The following NUP37 variants were observed in gnomAD, a reference collection of about 807,000 sequenced individuals.
NUP37 encodes the protein nucleoporin Nup37.
In NUP37, 33 loss-of-function variants were observed where a neutral mutation model predicts 45.4. That is an observed-to-expected ratio of 0.73 (90% confidence interval 0.55 to 0.97). The LOEUF is 0.97. Among genes scored for constraint, NUP37 ranks in the 50% least tolerant of loss-of-function variants. NUP37 has a pLI of 0.00. For synonymous variants in NUP37, 127 were observed against 130.7 expected, an observed-to-expected ratio of 0.97 and a Z score of 0.19; for missense variants, 365 against 389.7, an observed-to-expected ratio of 0.94 and a Z score of 0.53.
chr12:102,085,719 T>C (rs768912996), intron 6 of NUP37, 47 bp downstream of exon 6: 2 of 908,316 alleles, frequency 2.2e-6, no homozygotes, highest in East Asian at 2.6e-5. Flanking sequence ...CTTATATCTC[T>C]ATAAGTCTTT....
intron 5 of NUP37, among the ~76,000 whole-genome samples, chr12:102,087,183 A>G (rs1211221133): frequency 6.6e-6 from 1 of 151,890 alleles, no homozygotes; most frequent in Non-Finnish European, 1.5e-5. Context: ...TTCATATCTC[A>G]TTAGGGAACC....
intron 6 of NUP37, among the ~76,000 whole-genome samples, chr12:102,082,581 A>C (rs1879360305): frequency 6.6e-6 from 1 of 152,230 alleles, no homozygotes; most frequent in African/African-American, 2.4e-5. Flanking sequence ...AGATGAAGTG[A>C]AATCAGAGAA....
intron 2 of NUP37, chr12:102,115,860 A>C: frequency 1.1e-6 from 1 of 939,994 alleles, no homozygotes; most frequent in Non-Finnish European, 1.3e-6. Flanking sequence ...TGGAACTTGA[A>C]GGTTCTAGGA....
intron 3 of NUP37, among the ~76,000 whole-genome samples, chr12:102,105,917 T>C (rs1268060545): frequency 6.6e-6 from 1 of 150,878 alleles, no homozygotes; most frequent in East Asian, 1.9e-4. Flanking sequence ...TGTTAACCCC[T>C]GGTAACTACG....
At chr12:102,100,378 C>T (rs943621240) in intron 4 of NUP37, among the ~76,000 whole-genome samples, 1 of 152,098 alleles carries the variant, frequency 6.6e-6, no homozygotes, top group Admixed American at 6.5e-5. Context: ...AAACATGATG[C>T]AATTTTGACC....
rs1164443688 is a variant in NUP37, at chr12:102,099,164, C to T, written c.391G>A (p.Val131Met). ...EGHTDFINGL[V>M]FDPKEGQEIA... ...TCTTGGCCTTCTTTGGGATCAAACA[C>T]CAAACCATTAATGAAATCGGTATGG... The change falls in exon 5 of 10, where the codon GTG (valine) becomes ATG (methionine). Residue 131 changes from valine (V) to methionine (M), a missense_variant. Coordinates refer to ENST00000552283, the MANE Select transcript of NUP37 (RefSeq NM_024057.4). 1 of 1,613,836 alleles carries T rather than the reference C, an allele frequency of 6.2e-7. No individual in the cohort carries two copies. The highest frequency in any genetic ancestry group is 1.1e-5 in the South Asian group (1 of 91,074).
intron 3 of NUP37, among the ~76,000 whole-genome samples, chr12:102,106,522 G>A (rs1880162012): frequency 6.6e-6 from 1 of 152,142 alleles, no homozygotes. Context: ...AAGTAAAGGA[G>A]ACTAGATTAG....
At chr12:102,110,782 T>C (rs1206908150) in intron 3 of NUP37, among the ~76,000 whole-genome samples, 1 of 152,034 alleles carries the variant, frequency 6.6e-6, no homozygotes, top group Non-Finnish European at 1.5e-5. Context: ...GAAGCAGAGA[T>C]TGCAGTGAGT....
At chr12:102,105,916 C>T (rs1030720612) in intron 3 of NUP37, among the ~76,000 whole-genome samples, 1 of 151,486 alleles carries the variant, frequency 6.6e-6, no homozygotes, top group African/African-American at 2.4e-5. Context: ...GTGTTAACCC[C>T]TGGTAACTAC....
intron 7 of NUP37, 85 bp from the exon 8 acceptor site, chr12:102,076,932 TAGG>T (rs1407202254): frequency 1.1e-6 from 1 of 913,216 alleles, no homozygotes; most frequent in East Asian, 2.6e-5. Flanking sequence ...TTTCTCTTTA[TAGG>T]ACAGAATGTC....
intron 1 of NUP37, chr12:102,118,849 A>G: frequency 4.6e-6 from 1 of 218,672 alleles, no homozygotes; most frequent in Non-Finnish European, 9.0e-6. Flanking sequence ...AACAAATAGT[A>G]TTTCATCTGA....
intron 3 of NUP37, among the ~76,000 whole-genome samples, chr12:102,101,360 T>C (rs570637657): frequency 1.3e-5 from 2 of 152,368 alleles, no homozygotes; most frequent in Admixed American, 1.3e-4. Context: ...GCTTCTTCAG[T>C]AATAAAAGTG....
intron 6 of NUP37, among the ~76,000 whole-genome samples, chr12:102,084,240 T>C (rs1879407103): frequency 6.6e-6 from 1 of 152,206 alleles, no homozygotes; most frequent in Admixed American, 6.5e-5. Context: ...TAAGCTAACA[T>C]ACATGAAATG....
intron 5 of NUP37, among the ~76,000 whole-genome samples, chr12:102,086,589 G>A (rs1879478639): frequency 6.6e-6 from 1 of 152,158 alleles, no homozygotes; most frequent in South Asian, 2.1e-4. Context: ...CATTTCAATT[G>A]CTTTACCATT....
intron 5 of NUP37, among the ~76,000 whole-genome samples, chr12:102,088,421 A>G (rs1217194124): frequency 6.6e-6 from 1 of 152,212 alleles, no homozygotes; most frequent in East Asian, 1.9e-4. Flanking sequence ...ACACTCAAAA[A>G]GAATGGCACC....
intron 8 of NUP37, 88 bp from the exon 9 acceptor site, chr12:102,075,182 C>CA (rs1565826956): frequency 1.2e-6 from 1 of 803,720 alleles, no homozygotes; most frequent in East Asian, 2.8e-5. Context: ...TTTTCTTTTT[C>CA]TTTTTTTTTA....
chr12:102,094,041 C>G (rs1440483029), intron 5 of NUP37, among the ~76,000 whole-genome samples: 1 of 152,006 alleles, frequency 6.6e-6, no homozygotes. Context: ...TCATTAACAC[C>G]CTATTTCACT....
rs75911512 is a variant in NUP37 at position 102,073,607 on chromosome 12, T to C, written c.*747A>G. 5 of 152,226 alleles carry C rather than the reference T, an allele frequency of 3.3e-5. No homozygotes were observed. In the East Asian group the frequency reaches 9.6e-4, roughly 29 times the overall value. 9.4% of individuals were successfully genotyped at this position (152,226 alleles called of 1,614,324 possible). On this transcript the variant is annotated 3_prime_UTR_variant, in exon 10 of 10. Coordinates refer to ENST00000552283, the MANE Select transcript of NUP37 (RefSeq NM_024057.4). The stretch of plus-strand genomic sequence containing the variant: ...CATATTTAAGAAACTGAAAACAATT[T>C]TTTACATTAAATTGAGTACACATAC...
chr12:102,105,458 A>G (rs1880111985), intron 3 of NUP37, among the ~76,000 whole-genome samples: 1 of 152,036 alleles, frequency 6.6e-6, no homozygotes, highest in African/African-American at 2.4e-5. Flanking sequence ...TGAGCCCGGG[A>G]GGCGGAGGTT....
Sources: allele counts gnomAD v4.1 joint callset (sites outside exome capture counted in the v4.1 genomes callset), GRCh38; gene constraint gnomAD v4.1.1; transcripts MANE v1.5; gene names NCBI Gene and HGNC (gene_info 2026-07-23, HGNC 2026-07-21).